ZNF718: variants seen among roughly 807,000 people sequenced by gnomAD.
The protein encoded by ZNF718 is zinc finger protein 718.
A neutral mutation model predicts 2.6 loss-of-function variants in ZNF718; 3 were observed. That is an observed-to-expected ratio of 1.16 (90% CI 0.53 to 3.01). The LOEUF is 3.01. ZNF718 is among the 30% of genes most tolerant of loss of function. ZNF718 has a pLI of 0.03. For synonymous variants in ZNF718, 135 were observed against 77.9 expected (o/e 1.73, Z -3.86); for missense variants, 468 against 230.0 (o/e 2.03, Z -6.69).
At position 161,302 on chromosome 4, in the gene ZNF718, A is replaced by T. The variant is rs782421109; in HGVS notation, c.617A>T (p.Lys206Ile). 1.3e-6 allele frequency: 1 copy of T among 782,108 alleles called. No homozygotes were observed. The highest frequency in any genetic ancestry group is 2.4e-5 in the East Asian group (1 of 41,236). 48.4% of individuals were successfully genotyped at this position (782,108 alleles called of 1,614,324 possible). Residue 206 changes from lysine to isoleucine, a missense_variant, in exon 4 of 4, where the codon AAA becomes ATA. Physicochemically the swap from Lys to Ile is moderately radical, Grantham distance 102 (BLOSUM62 -3). Transcript: ENST00000510175. ...ENPYTCEECG[K>I]AFNWSSILTK... Reference sequence around the variant, plus strand: ...CCCTACACATGTGAAGAATGTGGCAAAGCCTTTAATTGGTCCTCAATTCTT... The same window carrying T: ...CCCTACACATGTGAAGAATGTGGCATAGCCTTTAATTGGTCCTCAATTCTT...
intron 3 of ZNF718, among the ~76,000 whole-genome samples, chr4:147,692 C>T (rs1233759371): frequency 6.6e-6 from 1 of 151,982 alleles, no homozygotes; most frequent in African/African-American, 2.4e-5. Flanking sequence ...GGTGAAACCC[C>T]GTCTCTACTA....
At chr4:133,177 TAAAAAAA>T (rs1189716766) in intron 3 of ZNF718, among the ~76,000 whole-genome samples, 1 of 12,534 alleles carries the variant, frequency 8.0e-5, no homozygotes, top group African/African-American at 2.8e-4. Flanking sequence ...GACTCCATCT[TAAAAAAA>T]AAAAAAAAAA....
intron 3 of ZNF718, among the ~76,000 whole-genome samples, chr4:192,643 C>G (rs1553821407): frequency 6.6e-6 from 1 of 152,160 alleles, no homozygotes; most frequent in African/African-American, 2.4e-5. Context: ...AGGGGTCATG[C>G]AGTTGAGATT....
At chr4:125,492 C>T (rs868916099) in intron 1 of ZNF718, among the ~76,000 whole-genome samples, 17 of 152,146 alleles carry the variant, frequency 1.1e-4, no homozygotes, top group African/African-American at 1.9e-4. Context: ...CTGGACACCC[C>T]GTTGGGGTTG....
chr4:181,225 CA>C (rs1174567702), intron 3 of ZNF718, among the ~76,000 whole-genome samples: 2 of 130,756 alleles, frequency 1.5e-5, no homozygotes, highest in African/African-American at 2.9e-5. Flanking sequence ...AGGGTGGTCT[CA>C]AACTCCTGGG....
chr4:180,142 G>A (rs1389568315), intron 3 of ZNF718, among the ~76,000 whole-genome samples: 1 of 152,104 alleles, frequency 6.6e-6, no homozygotes, highest in African/African-American at 2.4e-5. Context: ...GGGCCTCCTG[G>A]GAGAGACAGA....
intron 3 of ZNF718, among the ~76,000 whole-genome samples, chr4:151,822 G>A (rs1553812610): frequency 1.3e-5 from 2 of 151,408 alleles, no homozygotes; most frequent in African/African-American, 4.9e-5. Context: ...AAAAGACACA[G>A]AGACAAAGTA....
chr4:143,920 C>A (rs1252199105), intron 3 of ZNF718, among the ~76,000 whole-genome samples: 3 of 152,068 alleles, frequency 2.0e-5, no homozygotes, highest in South Asian at 2.1e-4. Flanking sequence ...TTGACCCCCC[C>A]GTCTCCTATA....
At chr4:160,883 G>T (rs782059758) in intron 3 of ZNF718, 29 bp from the exon 4 acceptor site, 1 of 731,240 alleles carries the variant, frequency 1.4e-6, no homozygotes, top group South Asian at 1.5e-5. Context: ...CTAGTAAGTG[G>T]GATAATTTGT....
chr4:172,544 G>A (rs902772214), intron 3 of ZNF718, among the ~76,000 whole-genome samples: 20 of 152,006 alleles, frequency 1.3e-4, no homozygotes, highest in African/African-American at 3.9e-4. Flanking sequence ...CTTATTTTAC[G>A]GAGAAAGATA....
chr4:191,581 T>C (rs1717694993), intron 3 of ZNF718, among the ~76,000 whole-genome samples: 1 of 152,076 alleles, frequency 6.6e-6, no homozygotes, highest in Admixed American at 6.6e-5. Flanking sequence ...ATATATACTT[T>C]ACAAGGATGG....
chr4:186,261 T>C (rs1717564353), intron 3 of ZNF718, among the ~76,000 whole-genome samples: 1 of 152,218 alleles, frequency 6.6e-6, no homozygotes. Context: ...TAGCCAGATA[T>C]GAAATTCTGG....
chr4:182,870 T>G (rs543205972), intron 3 of ZNF718, among the ~76,000 whole-genome samples: 25 of 152,234 alleles, frequency 1.6e-4, no homozygotes, highest in Non-Finnish European at 3.2e-4. Flanking sequence ...TCTTGTAAAT[T>G]TGTTCAAGCT....
chr4:155,359 CACAG>C (rs1159646186), intron 3 of ZNF718, among the ~76,000 whole-genome samples: 6 of 152,150 alleles, frequency 3.9e-5, no homozygotes, highest in Non-Finnish European at 8.8e-5. Flanking sequence ...CTGTAAAATC[CACAG>C]ACACTCAACA....
At chr4:193,958 A>T (rs1462689950) in intron 3 of ZNF718, among the ~76,000 whole-genome samples, 1 of 152,140 alleles carries the variant, frequency 6.6e-6, no homozygotes. Context: ...TGTAGACCGC[A>T]CTGGAAGCAG....
At chr4:200,609 C>T (rs1383610572) in intron 3 of ZNF718, among the ~76,000 whole-genome samples, 1 of 151,926 alleles carries the variant, frequency 6.6e-6, no homozygotes, top group Non-Finnish European at 1.5e-5. Context: ...TAGAGTCAGA[C>T]TAGTACAATA....
intron 1 of ZNF718, among the ~76,000 whole-genome samples, chr4:125,913 C>G (rs1715189933): frequency 6.6e-6 from 1 of 152,224 alleles, no homozygotes; most frequent in Non-Finnish European, 1.5e-5. Context: ...ATCTCAACCC[C>G]AGATCTGTTT....
downstream of ZNF718, among the ~76,000 whole-genome samples, chr4:167,433 C>T (rs2108808394): frequency 6.6e-6 from 1 of 152,274 alleles, no homozygotes; most frequent in African/African-American, 2.4e-5. Context: ...CTATAAATTA[C>T]CTTGGGCAGT....
intron 1 of ZNF718, among the ~76,000 whole-genome samples, chr4:128,988 C>T (rs1258377221): frequency 9.5e-6 from 1 of 104,810 alleles, no homozygotes; most frequent in African/African-American, 3.3e-5. Flanking sequence ...TGATTGAATT[C>T]AGCATCGTGT....
Sources: allele counts gnomAD v4.1 joint callset (sites outside exome capture counted in the v4.1 genomes callset), GRCh38; gene constraint gnomAD v4.1.1; transcripts MANE v1.5; gene names NCBI Gene and HGNC (gene_info 2026-07-23, HGNC 2026-07-21).